CREB5: variants seen among roughly 807,000 people sequenced by gnomAD.
CREB5 encodes cyclic AMP-responsive element-binding protein 5.
CREB5 carries 19 observed loss-of-function variants against 57.1 expected under a neutral mutation model. The ratio of observed to expected loss-of-function variants is 0.33; its 90% CI spans 0.23 to 0.49. The LOEUF is 0.49. Ranked by LOEUF, CREB5 falls within the 20% of genes least tolerant of loss-of-function variation. The probability of loss-of-function intolerance (pLI) is 0.99; values close to 1 mark genes in which losing one functional copy is unlikely to be tolerated. For missense variants in CREB5, 579 were observed against 671.6 expected, an observed-to-expected ratio of 0.86 and a Z score of 1.52; for synonymous variants, 238 against 238.3, an observed-to-expected ratio of 1.00 and a Z score of 0.01.
At chr7:28,490,820 C>T (rs756032122) in intron 2 of CREB5, among the ~76,000 whole-genome samples, 8 of 152,236 alleles carry the variant, frequency 5.3e-5, no homozygotes, top group Non-Finnish European at 7.3e-5. Flanking sequence ...CCTTTCTTTT[C>T]GATCCCTTGT....
At chr7:28,507,563 A>G (rs1792530777) in intron 3 of CREB5, 53 bp from the exon 4 acceptor site, 19 of 1,558,874 alleles carry the variant, frequency 1.2e-5, no homozygotes, top group Non-Finnish European at 1.6e-5. Flanking sequence ...CATGCTTGCT[A>G]CTGGCTTTTG....
At position 28,610,888 on chromosome 7, in the gene CREB5, C is replaced by CGT. The variant is rs368613839; in HGVS notation, c.464+40371_464+40372dup. The stretch of plus-strand genomic sequence containing the variant: ...TTGTTCTTTGGTTTGCGTGTGTGTG[C>CGT]GTGTGTGTGTGTGTGTGTGTGAGAG... On this transcript the variant is annotated intron_variant, in intron 5 of 10. Transcript: ENST00000357727. 7.7e-3 allele frequency among the ~76,000 whole-genome samples: 1,132 copies of CGT among 147,738 alleles called. 9 individuals carry two copies. Among genetic ancestry groups the CGT allele is most frequent in the African/African-American group, 0.021 (817 of 39,646 alleles).
intron 1 of CREB5, among the ~76,000 whole-genome samples, chr7:28,303,142 CAAAA>C (rs36054051): frequency 2.3e-5 from 3 of 129,894 alleles, no homozygotes; most frequent in Admixed American, 7.8e-5. Flanking sequence ...AACTCCATCT[CAAAA>C]AAAAAAAAAA....
chr7:28,389,474 A>G (rs564964885), intron 1 of CREB5, among the ~76,000 whole-genome samples: 1 of 152,178 alleles, frequency 6.6e-6, no homozygotes, highest in East Asian at 1.9e-4. Flanking sequence ...CTCCATGTAA[A>G]ATGGAGACCT....
chr7:28,670,604 C>T (rs1017342846), intron 5 of CREB5, among the ~76,000 whole-genome samples: 15 of 152,166 alleles, frequency 9.9e-5, no homozygotes, highest in Admixed American at 6.5e-4. Flanking sequence ...ATACAGAGTA[C>T]GGCATAAGGG....
At chr7:28,512,185 T>C (rs1310078010) in intron 4 of CREB5, among the ~76,000 whole-genome samples, 1 of 152,146 alleles carries the variant, frequency 6.6e-6, no homozygotes, top group Non-Finnish European at 1.5e-5. Context: ...AGCAGATGGA[T>C]ATATAGGTTT....
At chr7:28,779,242 T>C (rs1205786536) in intron 7 of CREB5, 2 of 152,150 alleles carry the variant, frequency 1.3e-5, no homozygotes, top group African/African-American at 4.8e-5. Flanking sequence ...AAGGGTACTG[T>C]TTTGGAACTC....
intron 7 of CREB5, among the ~76,000 whole-genome samples, chr7:28,756,157 G>C (rs1805284586): frequency 6.6e-6 from 1 of 152,136 alleles, no homozygotes; most frequent in Non-Finnish European, 1.5e-5. Context: ...GCCTGGCTGA[G>C]GTTCAGTGAT....
At chr7:28,803,614 G>A (rs926191176) in intron 7 of CREB5, among the ~76,000 whole-genome samples, 1 of 152,032 alleles carries the variant, frequency 6.6e-6, no homozygotes, top group African/African-American at 2.4e-5. Context: ...AAAATTAGCT[G>A]GGCATGGTGG....
intron 7 of CREB5, among the ~76,000 whole-genome samples, chr7:28,725,649 A>T (rs1803291195): frequency 1.3e-5 from 2 of 150,922 alleles, no homozygotes; most frequent in African/African-American, 4.9e-5. Flanking sequence ...TTTTTTTAAA[A>T]AAAAAAAAAA....
intron 5 of CREB5, among the ~76,000 whole-genome samples, chr7:28,696,975 TTGTG>T (rs1282351531): frequency 6.6e-6 from 1 of 151,882 alleles, no homozygotes; most frequent in Non-Finnish European, 1.5e-5. Context: ...ATATATATAT[TTGTG>T]TGTATATATA....
At chr7:28,492,379 AC>A (rs1791845162) in intron 2 of CREB5, among the ~76,000 whole-genome samples, 1 of 152,218 alleles carries the variant, frequency 6.6e-6, no homozygotes, top group South Asian at 2.1e-4. Context: ...TTGTAATCTC[AC>A]AGAGCTCAGT....
At chr7:28,668,550 C>T (rs1799915422) in intron 5 of CREB5, among the ~76,000 whole-genome samples, 1 of 151,884 alleles carries the variant, frequency 6.6e-6, no homozygotes, top group African/African-American at 2.4e-5. Context: ...TATGTTACAA[C>T]AAAAAATACT....
At chr7:28,379,333 T>C (rs1786911639) in intron 1 of CREB5, among the ~76,000 whole-genome samples, 1 of 152,214 alleles carries the variant, frequency 6.6e-6, no homozygotes, top group Non-Finnish European at 1.5e-5. Context: ...CTAATTGCGC[T>C]CCCAAAGCAA....
intron 7 of CREB5, among the ~76,000 whole-genome samples, chr7:28,755,714 C>T (rs767898980): frequency 1.3e-5 from 2 of 152,152 alleles, no homozygotes; most frequent in African/African-American, 2.4e-5. Context: ...AATGATTAAA[C>T]GATGAACCCT....
At chr7:28,760,727 T>TA (rs1029459811) in intron 7 of CREB5, among the ~76,000 whole-genome samples, 1 of 152,008 alleles carries the variant, frequency 6.6e-6, no homozygotes, top group African/African-American at 2.4e-5. Context: ...AAGCATTGAA[T>TA]AAAAAAGAAG....
At chr7:28,320,668 T>C (rs1785481054) in intron 1 of CREB5, among the ~76,000 whole-genome samples, 1 of 152,194 alleles carries the variant, frequency 6.6e-6, no homozygotes, top group African/African-American at 2.4e-5. Context: ...GGTGAATAAA[T>C]TAGGCTTGCC....
Position 28,520,489 on chromosome 7 carries a change from A to G in CREB5, c.291+12752A>G, listed in dbSNP as rs1426821452. On this transcript the variant is annotated intron_variant, in intron 4 of 10. Transcript: ENST00000357727. ...TCCCCACTTCCTGCAACTCCCTGGC[A>G]GAGGTAACTTGCTCCTAGGGCCAAA... 6.6e-5 allele frequency among the ~76,000 whole-genome samples: 10 copies of G among 152,220 alleles called. No individual in the cohort carries two copies. In the East Asian group the frequency reaches 1.7e-3, roughly 26 times the overall value.
chr7:28,668,273 T>C (rs940110560), intron 5 of CREB5, among the ~76,000 whole-genome samples: 9 of 152,296 alleles, frequency 5.9e-5, no homozygotes, highest in Non-Finnish European at 1.2e-4. Flanking sequence ...AGAAAACTAA[T>C]AAAAAGAGTA....
Sources: gnomAD v4.1 joint callset for allele counts (sites outside exome capture counted in the v4.1 genomes callset) on GRCh38, gnomAD v4.1.1 for gene constraint, MANE v1.5 for transcripts, NCBI Gene and HGNC (gene_info 2026-07-23, HGNC 2026-07-21) for gene names.